The following KCNQ1OT1 variants were observed in gnomAD, a reference collection of about 807,000 sequenced individuals.
The protein encoded by KCNQ1OT1 is KCNQ1 antisense RNA 2 (non-protein coding).
chr11:2,636,796 C>G (rs1209394963), exon 1 of KCNQ1OT1: 3 of 152,198 alleles, frequency 2.0e-5, no homozygotes, highest in African/African-American at 7.2e-5. Context: ...TAGAATTCGG[C>G]TGTGAATCCG....
chr11:2,683,627 C>G lies in KCNQ1OT1; in HGVS notation n.16368G>C, dbSNP rs1370948599. On this transcript the variant is annotated non_coding_transcript_exon_variant, in exon 1 of 1. Coordinates refer to ENST00000597346, the Ensembl canonical transcript of KCNQ1OT1. The surrounding 1 kb of genome is among the most constrained non-coding windows in gnomAD (Gnocchi z 4.7). Reference sequence around the variant, plus strand: ...TCAAATACTGCTCTAGACAACTGGGCCCTGCATCTGCTGCAAGGAACATCC... The same window carrying G: ...TCAAATACTGCTCTAGACAACTGGGGCCTGCATCTGCTGCAAGGAACATCC... The G allele has an allele frequency of 2.5e-6, 1 of 398,538 alleles. No individual in the cohort carries two copies. The highest frequency in any genetic ancestry group is 4.4e-5 in the Admixed American group (1 of 22,714). The allele number at this position is 398,538 out of a possible 1,614,324, so 24.7% of individuals were successfully genotyped here.
At chr11:2,650,618 T>C (rs999778511) in exon 1 of KCNQ1OT1, 2 of 398,660 alleles carry the variant, frequency 5.0e-6, no homozygotes, top group Non-Finnish European at 8.8e-6. Flanking sequence ...CTTACTCCTC[T>C]ATTTTTGCTG....
chr11:2,627,719 T>C lies in KCNQ1OT1; in HGVS notation n.72276A>G. The C allele has an allele frequency of 2.5e-6, 1 of 398,384 alleles. No individual in the cohort carries two copies. The highest frequency in any genetic ancestry group is 4.4e-6 in the Non-Finnish European group (1 of 225,986). 24.7% of individuals were successfully genotyped at this position (398,384 alleles called of 1,614,324 possible). A position where few individuals can be genotyped will look rare whatever the true frequency, so the allele number is the denominator to read the frequency against. ...ATGTATATGTATGTGATGTGTTTAT[T>C]TGGGAATTTGGTGATACACACACAC... On this transcript the variant is annotated non_coding_transcript_exon_variant, in exon 1 of 1. Transcript: ENST00000597346. The surrounding 1 kb of genome is among the most constrained non-coding windows in gnomAD (Gnocchi z 4.9).
In KCNQ1OT1 at chr11:2,659,972, C is replaced by T. The variant is rs1849922261; in HGVS notation, n.40023G>A. ...ACCTGATAGGTGATATGCAAATATT[C>T]TTTCCAAGTCTGTGCTTTGTCTTTT... On this transcript the variant is annotated non_coding_transcript_exon_variant, in exon 1 of 1. Transcript: ENST00000597346. This position sits in a 1 kb window ranked among gnomAD's most constrained non-coding sequence, Gnocchi z 4.3. The T allele has an allele frequency of 2.5e-6, 1 of 398,300 alleles. No individual in the cohort carries two copies. The highest frequency in any genetic ancestry group is 4.4e-6 in the Non-Finnish European group (1 of 225,986). The allele number at this position is 398,300 out of a possible 1,614,324, so 24.7% of individuals were successfully genotyped here. A position where few individuals can be genotyped will look rare whatever the true frequency, so the allele number is the denominator to read the frequency against.
At chr11:2,629,382 A>G in exon 1 of KCNQ1OT1, 2 of 398,456 alleles carry the variant, frequency 5.0e-6, no homozygotes. Context: ...CTTTCATATT[A>G]TATCCAAATG....
At position 2,690,247 on chromosome 11, in the gene KCNQ1OT1, G is replaced by A; in HGVS notation, n.9748C>T. ...GACCTCAAGCAAGTCATTCCATGTG[G>A]CTGAGCTGCTCCTTGCTGCATCTGC... On this transcript the variant is annotated non_coding_transcript_exon_variant, in exon 1 of 1. Transcript: ENST00000597346. The surrounding 1 kb of genome is among the most constrained non-coding windows in gnomAD (Gnocchi z 5.1). 2.5e-6 allele frequency: 1 copy of A among 398,790 alleles called. No individual in the cohort carries two copies. The allele number at this position is 398,790 out of a possible 1,614,324, so 24.7% of individuals were successfully genotyped here.
Position 2,674,933 on chromosome 11 carries a change from C to A in KCNQ1OT1, n.25062G>T. 2.5e-6 allele frequency: 1 copy of A among 397,824 alleles called. No homozygotes were observed. Among genetic ancestry groups the A allele is most frequent in the Admixed American group, 4.4e-5 (1 of 22,660 alleles). 24.6% of individuals were successfully genotyped at this position (397,824 alleles called of 1,614,324 possible). A position where few individuals can be genotyped will look rare whatever the true frequency, so the allele number is the denominator to read the frequency against. ...GCTCCAGCTGCAGAGTTTTTCCAGG[C>A]CTCGCTTCTGGGGCTGACTGGAGCT... On this transcript the variant is annotated non_coding_transcript_exon_variant, in exon 1 of 1. Transcript: ENST00000597346. This position sits in a 1 kb window ranked among gnomAD's most constrained non-coding sequence, Gnocchi z 5.9.
chr11:2,666,635 G>A, exon 1 of KCNQ1OT1: 1 of 398,650 alleles, frequency 2.5e-6, no homozygotes, highest in Non-Finnish European at 4.4e-6. Flanking sequence ...CCCCAAATTT[G>A]GCTTCATGGA....
At chr11:2,667,563 G>A (rs1435789024) in exon 1 of KCNQ1OT1, 2 of 309,298 alleles carry the variant, frequency 6.5e-6, no homozygotes, top group African/African-American at 2.2e-5. Context: ...GACACTTCTG[G>A]CAGTTGGGGC....
chr11:2,614,779 T>C, exon 1 of KCNQ1OT1: 1 of 398,528 alleles, frequency 2.5e-6, no homozygotes, highest in Non-Finnish European at 4.4e-6. Flanking sequence ...AGTACCACAT[T>C]GTTTTGATTA....
chr11:2,616,899 T>C (rs1476050301), exon 1 of KCNQ1OT1: 1 of 398,136 alleles, frequency 2.5e-6, no homozygotes, highest in East Asian at 3.6e-5. Flanking sequence ...AGTTGGTTTA[T>C]GGTATTGTTC....
At chr11:2,656,376 G>A in exon 1 of KCNQ1OT1, 3 of 398,578 alleles carry the variant, frequency 7.5e-6, no homozygotes, top group Non-Finnish European at 1.3e-5. Flanking sequence ...TCCTTCCCTG[G>A]TCTCTCTAAG....
exon 1 of KCNQ1OT1, chr11:2,641,505 T>A: frequency 2.5e-6 from 1 of 398,444 alleles, no homozygotes. Flanking sequence ...TACTATTGAG[T>A]TATTGGAGTT....
At chr11:2,667,207 C>A (rs577855951) in exon 1 of KCNQ1OT1, 5 of 398,586 alleles carry the variant, frequency 1.3e-5, no homozygotes, top group South Asian at 2.5e-4. Context: ...CCCCCCGTGG[C>A]CCCCTAACCT....
rs1404735069 is a variant in KCNQ1OT1, at chr11:2,613,130, C to T, written n.86865G>A. ...ACATCTTGAGCCAGTGAATCTTCCA[C>T]CCTCTGCTGAGGGGATCTATGTGTG... On this transcript the variant is annotated non_coding_transcript_exon_variant, in exon 1 of 1. Coordinates refer to ENST00000597346, the Ensembl canonical transcript of KCNQ1OT1. This position sits in a 1 kb window ranked among gnomAD's most constrained non-coding sequence, Gnocchi z 4.8. 2.5e-6 allele frequency: 1 copy of T among 398,490 alleles called. No individual in the cohort carries two copies. Among genetic ancestry groups the T allele is most frequent in the African/African-American group, 2.1e-5 (1 of 48,600 alleles). 24.7% of individuals were successfully genotyped at this position (398,490 alleles called of 1,614,324 possible). A position where few individuals can be genotyped will look rare whatever the true frequency, so the allele number is the denominator to read the frequency against.
rs1248532962 is a variant in KCNQ1OT1 at position 2,659,354 on chromosome 11, T to C, written n.40641A>G. ...ATGTCCTATAAATGGGATCCTATAATATGTATTCTTTTGCATCTGGCTTCT... is the reference window on the plus strand; with the variant it reads ...ATGTCCTATAAATGGGATCCTATAACATGTATTCTTTTGCATCTGGCTTCT... On this transcript the variant is annotated non_coding_transcript_exon_variant, in exon 1 of 1. Coordinates refer to ENST00000597346, the Ensembl canonical transcript of KCNQ1OT1. This position sits in a 1 kb window ranked among gnomAD's most constrained non-coding sequence, Gnocchi z 4.3. 2 of 398,534 alleles carry C rather than the reference T, an allele frequency of 5.0e-6. No individual in the cohort carries two copies. Among genetic ancestry groups the C allele is most frequent in the East Asian group, 7.1e-5 (2 of 28,088 alleles). The allele number at this position is 398,534 out of a possible 1,614,324, so 24.7% of individuals were successfully genotyped here.
rs1221068310 is a variant in KCNQ1OT1, at chr11:2,668,715, C to T, written n.31280G>A. Reference sequence around the variant, plus strand: ...ACACACTCACACTCTCTCACAGACACACACATTGCAAATATCGCCTCCCCC... The same window carrying T: ...ACACACTCACACTCTCTCACAGACATACACATTGCAAATATCGCCTCCCCC... On this transcript the variant is annotated non_coding_transcript_exon_variant, in exon 1 of 1. Transcript: ENST00000597346. This position sits in a 1 kb window ranked among gnomAD's most constrained non-coding sequence, Gnocchi z 4.3. The T allele has an allele frequency of 1.3e-5, 5 of 398,522 alleles. No homozygotes were observed. Among genetic ancestry groups the T allele is most frequent in the Non-Finnish European group, 2.2e-5 (5 of 226,080 alleles). 24.7% of individuals were successfully genotyped at this position (398,522 alleles called of 1,614,324 possible). A position where few individuals can be genotyped will look rare whatever the true frequency, so the allele number is the denominator to read the frequency against.
chr11:2,639,356 G>A (rs1295819911), exon 1 of KCNQ1OT1: 1 of 152,090 alleles, frequency 6.6e-6, no homozygotes, highest in Admixed American at 6.5e-5. Flanking sequence ...TCTACCTTTG[G>A]TCTTTGATGA....
In KCNQ1OT1 at chr11:2,686,690, C is replaced by A. The variant is rs1422465334; in HGVS notation, n.13305G>T. 18 of 398,508 alleles carry A rather than the reference C, an allele frequency of 4.5e-5. 1 individual carries two copies. Among genetic ancestry groups the A allele is most frequent in the Non-Finnish European group, 6.6e-5 (15 of 226,096 alleles). The allele number at this position is 398,508 out of a possible 1,614,324, so 24.7% of individuals were successfully genotyped here. ...GTGTGGGTCCCAGTTGGATGACAAACCCATGTTCAAGGCTGGGAAGTCCTA... is the reference window on the plus strand; with the variant it reads ...GTGTGGGTCCCAGTTGGATGACAAAACCATGTTCAAGGCTGGGAAGTCCTA... On this transcript the variant is annotated non_coding_transcript_exon_variant, in exon 1 of 1. Transcript: ENST00000597346.
Sources: gnomAD v4.1 joint callset for allele counts on GRCh38, gnomAD v4.1.1 for gene constraint, Gnocchi (gnomAD v3.1) non-coding constraint, MANE v1.5 for transcripts, NCBI Gene and HGNC (gene_info 2026-07-23, HGNC 2026-07-21) for gene names.